The following CRTAC1 variants were observed in gnomAD, a reference collection of about 807,000 sequenced individuals.
CRTAC1 encodes acidic secreted protein in cartilage.
A neutral mutation model predicts 67.8 loss-of-function variants in CRTAC1; 37 were observed. The ratio of observed to expected loss-of-function variants is 0.55; its 90% CI spans 0.42 to 0.72. The LOEUF is 0.72. Among genes scored for constraint, CRTAC1 ranks in the 30% least tolerant of loss-of-function variants. CRTAC1 has a pLI of 0.00. For missense variants in CRTAC1, 780 were observed against 931.6 expected, an observed-to-expected ratio of 0.84 and a Z score of 2.12; for synonymous variants, 348 against 371.0, an observed-to-expected ratio of 0.94 and a Z score of 0.71.
intron 2 of CRTAC1, among the ~76,000 whole-genome samples, chr10:97,990,879 C>T (rs937119598): frequency 9.2e-5 from 14 of 152,082 alleles, no homozygotes; most frequent in African/African-American, 2.2e-4. Flanking sequence ...ACTTATTTTA[C>T]GTTGCATGTC....
At chr10:98,025,167 A>G (rs975344567) in intron 1 of CRTAC1, among the ~76,000 whole-genome samples, 5 of 151,134 alleles carry the variant, frequency 3.3e-5, no homozygotes, top group Admixed American at 2.6e-4. Flanking sequence ...TTCTAAAATC[A>G]CTCCCACCTC....
intron 5 of CRTAC1, among the ~76,000 whole-genome samples, chr10:97,908,513 AC>A (rs1169107441): frequency 9.9e-5 from 15 of 152,096 alleles, no homozygotes; most frequent in Non-Finnish European, 1.9e-4. Context: ...AGTCACAGAT[AC>A]CCCAACAGAC....
At chr10:97,990,131 G>C (rs760974465) in intron 2 of CRTAC1, among the ~76,000 whole-genome samples, 40 of 152,170 alleles carry the variant, frequency 2.6e-4, no homozygotes, top group Admixed American at 1.1e-3. Context: ...AGCATCTATT[G>C]ATAAAAAGCC....
chr10:97,962,207 A>G (rs1445390092), intron 2 of CRTAC1, among the ~76,000 whole-genome samples: 1 of 152,192 alleles, frequency 6.6e-6, no homozygotes, highest in East Asian at 1.9e-4. Context: ...TCCAGGCAGA[A>G]AAAAGGGAGG....
chr10:97,907,922 G>T, intron 6 of CRTAC1, 91 bp downstream of exon 6: 1 of 1,410,742 alleles, frequency 7.1e-7, no homozygotes, highest in South Asian at 1.3e-5. Flanking sequence ...AGCCAGAAGA[G>T]ACTATCCTGG....
At chr10:97,938,153 G>C (rs2051119249) in intron 2 of CRTAC1, among the ~76,000 whole-genome samples, 1 of 152,174 alleles carries the variant, frequency 6.6e-6, no homozygotes, top group African/African-American at 2.4e-5. Context: ...TCATGCCTTA[G>C]ACACCTTGAT....
At chr10:97,933,311 C>G (rs929688552) in intron 3 of CRTAC1, among the ~76,000 whole-genome samples, 1 of 152,266 alleles carries the variant, frequency 6.6e-6, no homozygotes, top group African/African-American at 2.4e-5. Flanking sequence ...GCCTCACCCC[C>G]ACCCTGGAGG....
intron 5 of CRTAC1, among the ~76,000 whole-genome samples, chr10:97,916,094 T>C (rs1308293479): frequency 6.6e-6 from 1 of 152,172 alleles, no homozygotes; most frequent in East Asian, 1.9e-4. Context: ...ATTCTGTGTC[T>C]AGCCTGCTCT....
chr10:97,938,949 A>C (rs1339021248), intron 2 of CRTAC1, among the ~76,000 whole-genome samples: 1 of 152,210 alleles, frequency 6.6e-6, no homozygotes, highest in African/African-American at 2.4e-5. Context: ...ATGTTGTTTG[A>C]ACAAGGGATT....
intron 5 of CRTAC1, among the ~76,000 whole-genome samples, chr10:97,915,126 G>C (rs1013827577): frequency 6.6e-6 from 1 of 152,230 alleles, no homozygotes; most frequent in African/African-American, 2.4e-5. Flanking sequence ...ACAACAACCC[G>C]GGTGGGGCTG....
intron 6 of CRTAC1, among the ~76,000 whole-genome samples, 167 bp from the exon 7 acceptor site, chr10:97,904,981 C>T (rs181119176): frequency 1.2e-4 from 18 of 152,192 alleles, no homozygotes; most frequent in African/African-American, 2.2e-4. Context: ...TCTATAGGGG[C>T]AGGAAGTGGG....
intron 2 of CRTAC1, among the ~76,000 whole-genome samples, chr10:97,957,163 C>A (rs984658716): frequency 1.3e-5 from 2 of 151,764 alleles, no homozygotes; most frequent in African/African-American, 2.4e-5. Flanking sequence ...GAGGAGTGGG[C>A]GATGCTTTAA....
intron 11 of CRTAC1, among the ~76,000 whole-genome samples, chr10:97,891,638 G>A (rs2050375833): frequency 1.3e-5 from 2 of 152,222 alleles, no homozygotes; most frequent in African/African-American, 2.4e-5. Context: ...CCATGTCTCT[G>A]CCTCTCTTGG....
intron 3 of CRTAC1, among the ~76,000 whole-genome samples, chr10:97,924,018 G>T (rs1367439129): frequency 6.6e-6 from 1 of 152,098 alleles, no homozygotes; most frequent in Non-Finnish European, 1.5e-5. Flanking sequence ...GAAGGCAGTG[G>T]TTTTCACCTC....
chr10:97,938,533 CTG>C (rs899649455), intron 2 of CRTAC1, among the ~76,000 whole-genome samples: 5 of 152,220 alleles, frequency 3.3e-5, no homozygotes, highest in African/African-American at 4.8e-5. Context: ...CGCTGGGCCT[CTG>C]TGTCTTCAGG....
At chr10:97,994,025 T>C (rs764335645) in intron 2 of CRTAC1, among the ~76,000 whole-genome samples, 1 of 152,080 alleles carries the variant, frequency 6.6e-6, no homozygotes, top group Non-Finnish European at 1.5e-5. Flanking sequence ...CCTGGCTAAT[T>C]TTTGTATTTT....
At chr10:97,940,171 C>T (rs574402386) in intron 2 of CRTAC1, among the ~76,000 whole-genome samples, 3 of 152,202 alleles carry the variant, frequency 2.0e-5, no homozygotes, top group East Asian at 3.9e-4. Context: ...TGTCTCATTC[C>T]GTCCTCACAA....
intron 14 of CRTAC1, chr10:97,867,552 C>T (rs2136523641): frequency 6.6e-6 from 1 of 152,476 alleles, no homozygotes; most frequent in South Asian, 2.1e-4. Context: ...AGTCCTGGTC[C>T]AAGGATCCCC....
chr10:98,004,833 T>C (rs1435007831), intron 2 of CRTAC1, among the ~76,000 whole-genome samples: 3 of 151,712 alleles, frequency 2.0e-5, no homozygotes, highest in Non-Finnish European at 2.9e-5. Context: ...ATATACACAA[T>C]AGAAATGTAC....
Sources: gnomAD v4.1 joint callset for allele counts (sites outside exome capture counted in the v4.1 genomes callset) on GRCh38, gnomAD v4.1.1 for gene constraint, MANE v1.5 for transcripts, NCBI Gene and HGNC (gene_info 2026-07-23, HGNC 2026-07-21) for gene names.